MAN2A1: variants seen among roughly 807,000 people sequenced by gnomAD.
The protein encoded by MAN2A1 is mannosidase alpha class 2A member 1, also known as alpha-mannosidase 2.
MAN2A1 carries 76 observed loss-of-function variants against 142.6 expected under a neutral mutation model. The ratio of observed to expected loss-of-function variants is 0.53; its 90% CI spans 0.44 to 0.65. The LOEUF is 0.65. Among genes scored for constraint, MAN2A1 ranks in the 30% least tolerant of loss-of-function variants. The pLI, the probability that MAN2A1 is intolerant of heterozygous loss-of-function variation, is 0.00. For missense variants in MAN2A1, 1,311 were observed against 1,365.1 expected (o/e 0.96, Z 0.62); for synonymous variants, 559 against 473.2 (o/e 1.18, Z -2.35).
chr5:109,713,521 G>T lies in MAN2A1; in HGVS notation c.137G>T (p.Gly46Val). Residue 46 changes from glycine (G) to valine (V), a missense_variant and splice_region_variant, in exon 2 of 22, where the codon GGC becomes GTC. Coordinates refer to ENST00000261483, the MANE Select transcript of MAN2A1 (RefSeq NM_002372.4). ...NPRREGSFPQGQLSMLQEKID... is the reference protein window; with the variant it reads ...NPRREGSFPQVQLSMLQEKID... ...CTGCCTTTTTCTTTTTTATTGTAGG[G>T]CCAGCTCTCAATGTTGCAAGAAAAA... 6.2e-7 allele frequency: 1 copy of T among 1,601,410 alleles called. No individual in the cohort carries two copies. Among genetic ancestry groups the T allele is most frequent in the African/African-American group, 1.3e-5 (1 of 74,636 alleles).
chr5:109,695,937 T>C (rs1750798955), intron 1 of MAN2A1, among the ~76,000 whole-genome samples: 1 of 152,202 alleles, frequency 6.6e-6, no homozygotes, highest in Non-Finnish European at 1.5e-5. Context: ...AGCTCACATC[T>C]AGTGCTTTAG....
intron 12 of MAN2A1, among the ~76,000 whole-genome samples, chr5:109,799,250 C>G (rs901185547): frequency 1.1e-4 from 16 of 152,260 alleles, no homozygotes; most frequent in Middle Eastern, 6.8e-3. Context: ...TTCCATTACC[C>G]TAAGGATAAA....
chr5:109,839,228 T>C (rs1755135261), intron 16 of MAN2A1, among the ~76,000 whole-genome samples: 1 of 152,234 alleles, frequency 6.6e-6, no homozygotes, highest in Non-Finnish European at 1.5e-5. Context: ...TGCTTATCTT[T>C]TGTTATTAAA....
At position 109,774,949 on chromosome 5, in the gene MAN2A1, C is replaced by A. The variant is rs1318327709; in HGVS notation, c.1358C>A (p.Ser453Tyr). 2 of 1,602,238 alleles carry A rather than the reference C, an allele frequency of 1.2e-6. No homozygotes were observed. The highest frequency in any genetic ancestry group is 1.7e-6 in the Non-Finnish European group (2 of 1,173,404). The change falls in exon 8 of 22, where the codon TCC (serine) becomes TAC (tyrosine). Residue 453 changes from serine (S) to tyrosine (Y), a missense_variant. By Grantham distance (144) the Ser-to-Tyr change is moderately radical. Around this residue, in one of 3 missense-constraint regions of MAN2A1, gnomAD observed 890 missense variants for 920.5 expected, o/e 0.97. Transcript: ENST00000261483. ...CTTTTTGATTATATGAATTCTCAGT[C>A]CAAGTTTAAAGTTAAGGTAAGGAGA... Reference protein sequence around the residue: ...QQLFDYMNSQSKFKVKIQFGT... With the variant: ...QQLFDYMNSQYKFKVKIQFGT...
At chr5:109,700,704 T>G (rs1289936618) in intron 1 of MAN2A1, among the ~76,000 whole-genome samples, 1 of 152,096 alleles carries the variant, frequency 6.6e-6, no homozygotes, top group Non-Finnish European at 1.5e-5. Context: ...GGTCAGGTAA[T>G]TTTTAGTCTT....
At chr5:109,787,012 G>C (rs1395269109) in intron 10 of MAN2A1, among the ~76,000 whole-genome samples, 2 of 151,920 alleles carry the variant, frequency 1.3e-5, no homozygotes, top group African/African-American at 4.8e-5. Flanking sequence ...TGTGTATATA[G>C]TTACAAACTG....
At chr5:109,718,707 C>T (rs977315890) in intron 3 of MAN2A1, among the ~76,000 whole-genome samples, 7 of 152,140 alleles carry the variant, frequency 4.6e-5, no homozygotes, top group African/African-American at 1.2e-4. Flanking sequence ...TGCAGGTCTT[C>T]GCAGATGTAA....
intron 16 of MAN2A1, among the ~76,000 whole-genome samples, chr5:109,827,600 T>C (rs955992691): frequency 1.3e-5 from 2 of 152,366 alleles, no homozygotes; most frequent in East Asian, 3.9e-4. Context: ...TTTCTCTATC[T>C]GCATTCTCTC....
intron 1 of MAN2A1, among the ~76,000 whole-genome samples, chr5:109,695,853 G>A (rs1750796146): frequency 6.6e-6 from 1 of 152,166 alleles, no homozygotes; most frequent in African/African-American, 2.4e-5. Context: ...CAGTTATCAA[G>A]CCAAGCTGCT....
chr5:109,732,111 A>C (rs1430699903), intron 4 of MAN2A1, among the ~76,000 whole-genome samples: 2 of 151,576 alleles, frequency 1.3e-5, no homozygotes, highest in African/African-American at 4.9e-5. Flanking sequence ...TCTGATGGCC[A>C]GTGATGGTGA....
intron 16 of MAN2A1, among the ~76,000 whole-genome samples, chr5:109,831,136 G>A (rs1192541471): frequency 1.3e-5 from 2 of 152,338 alleles, no homozygotes; most frequent in East Asian, 3.9e-4. Context: ...ACCTTGCACA[G>A]GTTACTGCCA....
At chr5:109,740,919 T>C (rs1752251389) in intron 4 of MAN2A1, among the ~76,000 whole-genome samples, 2 of 152,176 alleles carry the variant, frequency 1.3e-5, no homozygotes, top group South Asian at 2.1e-4. Flanking sequence ...TTTTTTATTC[T>C]GTTGGTTATT....
chr5:109,830,812 C>T (rs539912003), intron 16 of MAN2A1, among the ~76,000 whole-genome samples: 88 of 152,242 alleles, frequency 5.8e-4, no homozygotes, highest in African/African-American at 2.0e-3. Flanking sequence ...AGCTATGTGA[C>T]GAATCTGATC....
intron 13 of MAN2A1, among the ~76,000 whole-genome samples, chr5:109,819,230 A>G (rs1754553929): frequency 6.6e-6 from 1 of 152,188 alleles, no homozygotes; most frequent in Admixed American, 6.5e-5. Context: ...CATGAAAGGT[A>G]GACTAGGCTA....
At chr5:109,860,779 A>G (rs1755735454) in intron 20 of MAN2A1, among the ~76,000 whole-genome samples, 1 of 152,178 alleles carries the variant, frequency 6.6e-6, no homozygotes, top group Non-Finnish European at 1.5e-5. Flanking sequence ...GTGAATGGAT[A>G]GGTGGATAGG....
chr5:109,780,776 C>G (rs1582890361), intron 8 of MAN2A1, among the ~76,000 whole-genome samples: 1 of 152,066 alleles, frequency 6.6e-6, no homozygotes, highest in Admixed American at 6.6e-5. Flanking sequence ...TTTAAGCAGC[C>G]AGACTTGCCA....
At chr5:109,709,211 ATATT>A (rs1320984730) in intron 1 of MAN2A1, among the ~76,000 whole-genome samples, 1 of 152,236 alleles carries the variant, frequency 6.6e-6, no homozygotes, top group African/African-American at 2.4e-5. Flanking sequence ...CATATAATAA[ATATT>A]AAGTTCAACC....
At chr5:109,843,032 T>C (rs943341007) in intron 17 of MAN2A1, among the ~76,000 whole-genome samples, 2 of 151,992 alleles carry the variant, frequency 1.3e-5, no homozygotes, top group African/African-American at 4.8e-5. Flanking sequence ...TCTCGAACTC[T>C]TGGACTCAAG....
chr5:109,700,289 T>G (rs1241199803), intron 1 of MAN2A1, among the ~76,000 whole-genome samples: 3 of 151,968 alleles, frequency 2.0e-5, no homozygotes, highest in African/African-American at 7.3e-5. Context: ...CGGTTTTTTT[T>G]TTTTTTTTTG....
Sources: allele counts gnomAD v4.1 joint callset (sites outside exome capture counted in the v4.1 genomes callset), GRCh38; gene constraint gnomAD v4.1.1; regional missense constraint gnomAD v4.1.1; transcripts MANE v1.5; gene names NCBI Gene and HGNC (gene_info 2026-07-23, HGNC 2026-07-21).